Variants in NAV2 observed in about 807,000 individuals in gnomAD.
NAV2 encodes neuron navigator 2, also known as helicase, APC down-regulated 1.
NAV2 carries 54 observed loss-of-function variants against 223.2 expected under a neutral mutation model. The ratio of observed to expected loss-of-function variants is 0.24; its 90% CI spans 0.19 to 0.30. The LOEUF is 0.30. Among genes scored for constraint, NAV2 ranks in the 10% least tolerant of loss-of-function variants. NAV2 has a pLI of 1.00. For missense variants in NAV2, 2,806 were observed against 3,147.5 expected, an observed-to-expected ratio of 0.89 and a Z score of 2.60; for synonymous variants, 1,279 against 1,239.3, an observed-to-expected ratio of 1.03 and a Z score of -0.67.
intron 1 of NAV2, among the ~76,000 whole-genome samples, chr11:19,797,956 G>A (rs964834761): frequency 1.3e-5 from 2 of 152,162 alleles, no homozygotes; most frequent in African/African-American, 4.8e-5. Context: ...GTAGGAGATG[G>A]TTCTGATCAG....
At chr11:20,084,539 A>G (rs2060295606) in intron 26 of NAV2, among the ~76,000 whole-genome samples, 1 of 152,166 alleles carries the variant, frequency 6.6e-6, no homozygotes. Flanking sequence ...TGTACTTCCT[A>G]CTGCTATGGG....
At chr11:19,856,394 C>A (rs1349228837) in intron 3 of NAV2, among the ~76,000 whole-genome samples, 2 of 152,158 alleles carry the variant, frequency 1.3e-5, no homozygotes, top group Admixed American at 6.5e-5. Flanking sequence ...AGCTCTTTGC[C>A]TTTATCACAG....
intron 1 of NAV2, among the ~76,000 whole-genome samples, chr11:19,552,307 GAGGCGTCTGC>G (rs1227748761): frequency 6.6e-6 from 1 of 152,226 alleles, no homozygotes; most frequent in Non-Finnish European, 1.5e-5. Flanking sequence ...GGAGGCGTGT[GAGGCGTCTGC>G]AGGGAATTCA....
At chr11:19,914,639 G>C (rs190559245) in intron 6 of NAV2, among the ~76,000 whole-genome samples, 33 of 151,840 alleles carry the variant, frequency 2.2e-4, no homozygotes, top group African/African-American at 7.2e-4. Context: ...CCGCTTCCCG[G>C]GTTCACGCCA....
intron 20 of NAV2, among the ~76,000 whole-genome samples, chr11:20,067,216 T>G (rs2059105684): frequency 2.0e-5 from 3 of 152,068 alleles, no homozygotes; most frequent in Non-Finnish European, 4.4e-5. Context: ...TCACAACCTG[T>G]GGAGTTACCA....
chr11:19,403,930 T>A (rs1354074023), intron 1 of NAV2, among the ~76,000 whole-genome samples: 6 of 45,706 alleles, frequency 1.3e-4, no homozygotes, highest in Non-Finnish European at 4.7e-4. Flanking sequence ...CTTGCGTACG[T>A]GGCTCTTACG....
intron 1 of NAV2, among the ~76,000 whole-genome samples, chr11:19,418,686 A>G (rs1590168944): frequency 6.6e-6 from 1 of 152,300 alleles, no homozygotes; most frequent in South Asian, 2.1e-4. Context: ...AAAAAGAGGC[A>G]GCAGCCAGAT....
intron 20 of NAV2, among the ~76,000 whole-genome samples, chr11:20,064,898 TG>T (rs1456067514): frequency 6.6e-6 from 1 of 152,188 alleles, no homozygotes. Flanking sequence ...GTTTTGCCCT[TG>T]GCATCAGGAA....
intron 10 of NAV2, 83 bp from the exon 11 acceptor site, chr11:19,984,042 G>GT: frequency 6.3e-7 from 1 of 1,583,742 alleles, no homozygotes; most frequent in Non-Finnish European, 8.7e-7. Context: ...CTTGGCGGCT[G>GT]TACAGGCTTC....
At chr11:20,047,831 T>C (rs1410486322) in intron 14 of NAV2, among the ~76,000 whole-genome samples, 2 of 152,228 alleles carry the variant, frequency 1.3e-5, no homozygotes, top group Non-Finnish European at 1.5e-5. Context: ...CATAGTAGTT[T>C]TGTCACTTGT....
chr11:19,675,593 T>C (rs2048692992), intron 1 of NAV2, among the ~76,000 whole-genome samples: 1 of 152,250 alleles, frequency 6.6e-6, no homozygotes, highest in Non-Finnish European at 1.5e-5. Flanking sequence ...AATAAATACC[T>C]GTGGAATGAA....
At chr11:19,729,929 A>G (rs930760345) in intron 1 of NAV2, among the ~76,000 whole-genome samples, 1 of 152,186 alleles carries the variant, frequency 6.6e-6, no homozygotes, top group Non-Finnish European at 1.5e-5. Context: ...AGCACTTACT[A>G]TGTGCCAGGC....
intron 1 of NAV2, among the ~76,000 whole-genome samples, chr11:19,398,740 G>T (rs4354671): frequency 2.6e-5 from 4 of 151,930 alleles, no homozygotes; most frequent in Non-Finnish European, 5.9e-5. Flanking sequence ...CCCATCATTT[G>T]GGATTAAAAA....
chr11:19,984,293 A>AG lies in NAV2; in HGVS notation c.2768+52dup, dbSNP rs765903365. ...GCTGGTCAGATGCAGAGGTGATCCC[A>AG]GGGGGGCCCTGAGAAATGAGGGTTA... On this transcript the variant is annotated intron_variant, in intron 11 of 37. Coordinates refer to ENST00000349880, the MANE Select transcript of NAV2 (RefSeq NM_145117.5). 34 of 1,606,152 alleles carry AG rather than the reference A, an allele frequency of 2.1e-5. 1 individual carries two copies. Among genetic ancestry groups the AG allele is most frequent in the Middle Eastern group, 3.3e-4 (2 of 6,064 alleles).
chr11:19,679,363 G>A (rs970432168), intron 1 of NAV2, among the ~76,000 whole-genome samples: 1 of 140,672 alleles, frequency 7.1e-6, no homozygotes, highest in Non-Finnish European at 1.5e-5. Flanking sequence ...CCTGGGAGAC[G>A]GAGGTTGCAG....
chr11:20,099,402 T>C (rs1029726137), intron 31 of NAV2, among the ~76,000 whole-genome samples: 2 of 152,196 alleles, frequency 1.3e-5, no homozygotes, highest in Non-Finnish European at 2.9e-5. Flanking sequence ...TACAAAGGAC[T>C]GAGGAGTAAA....
chr11:19,415,070 G>A (rs147468007), intron 1 of NAV2, among the ~76,000 whole-genome samples: 1,820 of 152,162 alleles, frequency 0.012, 41 homozygotes, highest in African/African-American at 0.039. Flanking sequence ...TCAAAAACTA[G>A]CAGAAGACAA....
chr11:19,535,697 C>G (rs746304846), intron 1 of NAV2, among the ~76,000 whole-genome samples: 1 of 152,200 alleles, frequency 6.6e-6, no homozygotes, highest in Non-Finnish European at 1.5e-5. Flanking sequence ...CTGAGCTGAA[C>G]TCCATTCCCT....
chr11:19,387,074 A>T (rs546625615), intron 1 of NAV2, among the ~76,000 whole-genome samples: 39 of 152,176 alleles, frequency 2.6e-4, no homozygotes, highest in African/African-American at 8.4e-4. Context: ...TGATAATTTC[A>T]TTTTCTTGGT....
Sources: allele counts gnomAD v4.1 joint callset (sites outside exome capture counted in the v4.1 genomes callset), GRCh38; gene constraint gnomAD v4.1.1; transcripts MANE v1.5; gene names NCBI Gene and HGNC (gene_info 2026-07-23, HGNC 2026-07-21).